Variants in SRSF4 observed in about 807,000 individuals in gnomAD.
SRSF4 encodes the protein serine and arginine rich splicing factor 4, also known as serine/arginine-rich splicing factor 4.
In SRSF4, 12 loss-of-function variants were observed where a neutral mutation model predicts 48.8. That is an observed-to-expected ratio of 0.25 (90% CI 0.16 to 0.40). SRSF4 has a LOEUF of 0.40. Among genes scored for constraint, SRSF4 ranks in the 10% least tolerant of loss-of-function variants. The probability of loss-of-function intolerance (pLI) is 1.00; values close to 1 mark genes in which losing one functional copy is unlikely to be tolerated. For synonymous variants in SRSF4, 248 were observed against 232.5 expected, an observed-to-expected ratio of 1.07 and a Z score of -0.61; for missense variants, 466 against 667.1, an observed-to-expected ratio of 0.70 and a Z score of 3.32.
intron 4 of SRSF4, 33 bp downstream of exon 4, chr1:29,154,663 T>C: frequency 6.3e-7 from 1 of 1,595,570 alleles, no homozygotes; most frequent in South Asian, 1.1e-5. Flanking sequence ...GAATTTATGA[T>C]GAGCTCCAAC....
chr1:29,149,999 G>A, intron 5 of SRSF4, 104 bp downstream of exon 5: 1 of 955,780 alleles, frequency 1.0e-6, no homozygotes, highest in East Asian at 2.5e-5. Context: ...CTGGACTCCA[G>A]CTTGGGTGAC....
intron 1 of SRSF4, among the ~76,000 whole-genome samples, chr1:29,165,305 C>T (rs1309624101): frequency 6.6e-6 from 1 of 152,204 alleles, no homozygotes; most frequent in African/African-American, 2.4e-5. Flanking sequence ...TGCCAATGCG[C>T]TCATCTTCGT....
At chr1:29,175,047 T>C (rs956028916) in intron 1 of SRSF4, among the ~76,000 whole-genome samples, 1 of 150,762 alleles carries the variant, frequency 6.6e-6, no homozygotes, top group Non-Finnish European at 1.5e-5. Context: ...CCCATACCTG[T>C]ATGTGAAAAA....
intron 4 of SRSF4, among the ~76,000 whole-genome samples, chr1:29,154,240 T>C (rs559749371): frequency 6.6e-6 from 1 of 152,194 alleles, no homozygotes; most frequent in African/African-American, 2.4e-5. Context: ...AATTTTGTTA[T>C]TTTTAGTAGA....
chr1:29,152,965 AC>A (rs1672437004), intron 4 of SRSF4, among the ~76,000 whole-genome samples: 1 of 151,674 alleles, frequency 6.6e-6, no homozygotes, highest in Middle Eastern at 3.5e-3. Context: ...TCTTCTGCTC[AC>A]CATCTCTCTG....
intron 5 of SRSF4, 152 bp from the exon 6 acceptor site, chr1:29,149,378 C>G: frequency 9.6e-7 from 1 of 1,046,610 alleles, no homozygotes; most frequent in Non-Finnish European, 1.3e-6. Flanking sequence ...CTCACAATGC[C>G]AATCAGAAGC....
At position 29,161,387 on chromosome 1, in the gene SRSF4, A is replaced by G. The variant is rs562847106; in HGVS notation, c.108-870T>C. 8.1e-4 allele frequency among the ~76,000 whole-genome samples: 63 copies of G among 77,342 alleles called. 1 individual carries two copies. The South Asian group carries it at 0.017, about 21-fold the overall frequency. The allele number at this position is 77,342 out of a possible 152,430, so 50.7% of individuals were successfully genotyped here. On this transcript the variant is annotated intron_variant, in intron 1 of 5. Transcript: ENST00000373795. ...AAGTCCAGCTTTGTGACCATTGCCT[A>G]TATTTAAAAACCAAAACCATCTTAT...
intron 1 of SRSF4, among the ~76,000 whole-genome samples, chr1:29,163,192 C>T (rs1328661127): frequency 6.6e-6 from 1 of 152,184 alleles, no homozygotes; most frequent in Non-Finnish European, 1.5e-5. Flanking sequence ...ACAAACCTCC[C>T]CCAGTATTTA....
chr1:29,164,390 C>CTT (rs377680035), intron 1 of SRSF4, among the ~76,000 whole-genome samples: 508 of 152,376 alleles, frequency 3.3e-3, no homozygotes, highest in Non-Finnish European at 6.3e-3. Context: ...TTAACACTCC[C>CTT]TTTGTGCTTT....
chr1:29,174,270 C>T lies in SRSF4; in HGVS notation c.107+7376G>A, dbSNP rs116269074. On this transcript the variant is annotated intron_variant, in intron 1 of 5. Transcript: ENST00000373795. Reference sequence around the variant, plus strand: ...GGTGGAAACGTAAATATTAATTTACCGAGTAATGGAATAGCTAGCAAAAGC... The same window carrying T: ...GGTGGAAACGTAAATATTAATTTACTGAGTAATGGAATAGCTAGCAAAAGC... Among the ~76,000 whole-genome samples the T allele has an allele frequency of 5.5e-3, 839 of 151,764 alleles. 9 individuals are homozygous for T. Among genetic ancestry groups the T allele is most frequent in the African/African-American group, 0.019 (789 of 41,386 alleles).
chr1:29,154,232 T>C (rs1053333491), intron 4 of SRSF4, among the ~76,000 whole-genome samples: 9 of 152,188 alleles, frequency 5.9e-5, no homozygotes, highest in African/African-American at 2.2e-4. Flanking sequence ...CCCAACTAAA[T>C]TTTGTTATTT....
At chr1:29,174,041 T>C (rs866267290) in intron 1 of SRSF4, among the ~76,000 whole-genome samples, 2 of 151,322 alleles carry the variant, frequency 1.3e-5, no homozygotes, top group Middle Eastern at 3.4e-3. Context: ...ATACAAAAAT[T>C]AGCGGGGTGT....
intron 1 of SRSF4, among the ~76,000 whole-genome samples, chr1:29,167,437 T>C (rs1425125598): frequency 6.6e-6 from 1 of 152,194 alleles, no homozygotes. Flanking sequence ...CAGGCTGGAG[T>C]GCAAAGGCAC....
Position 29,154,523 on chromosome 1 carries a change from A to G in SRSF4, c.578+173T>C, listed in dbSNP as rs1574191096. 5.8e-5 allele frequency: 38 copies of G among 654,588 alleles called. No individual in the cohort carries two copies. In the East Asian group the frequency reaches 1.0e-3, roughly 18 times the overall value. The allele number at this position is 654,588 out of a possible 1,614,324, so 40.5% of individuals were successfully genotyped here. On this transcript the variant is annotated intron_variant, in intron 4 of 5. Coordinates refer to ENST00000373795, the MANE Select transcript of SRSF4 (RefSeq NM_005626.5). ...AGAGAAGGGACTTCTATTTGTACTC[A>G]TGACCTAAGAGTTCAAGAGTTTTAC...
At chr1:29,174,810 A>G (rs1164521924) in intron 1 of SRSF4, among the ~76,000 whole-genome samples, 1 of 150,892 alleles carries the variant, frequency 6.6e-6, no homozygotes, top group Non-Finnish European at 1.5e-5. Context: ...AGTAGCTGGG[A>G]CTACAGGCGT....
At chr1:29,152,933 AAAG>A (rs926436669) in intron 4 of SRSF4, among the ~76,000 whole-genome samples, 5 of 151,384 alleles carry the variant, frequency 3.3e-5, no homozygotes, top group Non-Finnish European at 3.0e-5. Flanking sequence ...AAAAAAAAAA[AAAG>A]AAAGAAAGAA....
intron 4 of SRSF4, among the ~76,000 whole-genome samples, chr1:29,153,624 G>A (rs1294638237): frequency 6.7e-6 from 1 of 149,838 alleles, no homozygotes; most frequent in South Asian, 2.1e-4. Context: ...TTTTGAGACG[G>A]TGTTTTGCTC....
chr1:29,150,281 T>C, intron 4 of SRSF4, 89 bp from the exon 5 acceptor site: 5 of 646,766 alleles, frequency 7.7e-6, no homozygotes, highest in Non-Finnish European at 1.1e-5. Flanking sequence ...TATATATATT[T>C]TAGATGGAGT....
intron 4 of SRSF4, among the ~76,000 whole-genome samples, chr1:29,153,069 C>T (rs1193291579): frequency 6.6e-6 from 1 of 152,152 alleles, no homozygotes. Context: ...TTTCTTGTCA[C>T]AATAGCACGG....
Sources: gnomAD v4.1 joint callset for allele counts (sites outside exome capture counted in the v4.1 genomes callset) on GRCh38, gnomAD v4.1.1 for gene constraint, MANE v1.5 for transcripts, NCBI Gene and HGNC (gene_info 2026-07-23, HGNC 2026-07-21) for gene names.